The following ZBTB20 variants were observed in gnomAD, a reference collection of about 807,000 sequenced individuals.
ZBTB20 encodes the protein zinc finger and BTB domain-containing protein 20.
In ZBTB20, 9 loss-of-function variants were observed where a neutral mutation model predicts 56.9. The ratio of observed to expected loss-of-function variants is 0.16; its 90% CI spans 0.10 to 0.28. The LOEUF (loss-of-function observed/expected upper bound fraction) is 0.28, where lower values mean the gene tolerates loss of function less well. Ranked by LOEUF, ZBTB20 falls within the 10% of genes least tolerant of loss-of-function variation. The pLI is 1.00. For missense variants in ZBTB20, 655 were observed against 1,003.0 expected (o/e 0.65, Z 4.69); for synonymous variants, 417 against 420.7 (o/e 0.99, Z 0.11).
intron 3 of ZBTB20, among the ~76,000 whole-genome samples, chr3:114,953,564 T>G (rs2077146664): frequency 1.3e-5 from 2 of 151,984 alleles, no homozygotes; most frequent in African/African-American, 4.8e-5. Flanking sequence ...AATGGCTATA[T>G]TAATATTGGA....
At chr3:115,081,815 T>C (rs1460726673) in intron 1 of ZBTB20, among the ~76,000 whole-genome samples, 2 of 152,148 alleles carry the variant, frequency 1.3e-5, no homozygotes, top group Non-Finnish European at 2.9e-5. Flanking sequence ...ATAAAAATAT[T>C]GGTAGTGCTA....
At chr3:114,866,841 T>C (rs528923647) in intron 4 of ZBTB20, among the ~76,000 whole-genome samples, 1 of 152,276 alleles carries the variant, frequency 6.6e-6, no homozygotes, top group Non-Finnish European at 1.5e-5. Flanking sequence ...GACTAATACG[T>C]TGGACTAACG....
intron 6 of ZBTB20, among the ~76,000 whole-genome samples, chr3:114,683,788 G>C (rs528663066): frequency 1.3e-5 from 2 of 152,190 alleles, no homozygotes; most frequent in African/African-American, 4.8e-5. Flanking sequence ...AAGCATACTT[G>C]AGGTGGGAGT....
chr3:114,917,038 C>T (rs2075772069), intron 3 of ZBTB20, among the ~76,000 whole-genome samples: 2 of 152,078 alleles, frequency 1.3e-5, no homozygotes, highest in Admixed American at 1.3e-4. Context: ...TGTTGAGTAT[C>T]TTGTAGGCAT....
chr3:114,530,780 C>G (rs75976307), intron 6 of ZBTB20, among the ~76,000 whole-genome samples: 2,113 of 152,170 alleles, frequency 0.014, 55 homozygotes, highest in African/African-American at 0.048. Context: ...GTTTATTGGA[C>G]ATTTTCAGTT....
intron 5 of ZBTB20, among the ~76,000 whole-genome samples, chr3:114,761,923 C>T (rs2068474386): frequency 6.6e-6 from 1 of 151,870 alleles, no homozygotes; most frequent in South Asian, 2.1e-4. Context: ...AAATATATGG[C>T]ATTTGAAGTA....
At chr3:115,079,552 G>A (rs1356735251) in intron 1 of ZBTB20, among the ~76,000 whole-genome samples, 1 of 151,938 alleles carries the variant, frequency 6.6e-6, no homozygotes, top group Non-Finnish European at 1.5e-5. Flanking sequence ...CCACACCCAG[G>A]TAATTTTTGT....
chr3:114,886,337 T>C (rs1165899834), intron 4 of ZBTB20, among the ~76,000 whole-genome samples: 1 of 152,214 alleles, frequency 6.6e-6, no homozygotes, highest in Non-Finnish European at 1.5e-5. Context: ...TATTTGTACG[T>C]ATGGCCATAT....
chr3:114,986,217 T>C (rs1045395374), intron 2 of ZBTB20, among the ~76,000 whole-genome samples: 2 of 152,094 alleles, frequency 1.3e-5, no homozygotes, highest in African/African-American at 2.4e-5. Context: ...GTCACTCTTA[T>C]CACTGCCGCC....
chr3:114,607,522 C>T (rs1202304004), intron 6 of ZBTB20, among the ~76,000 whole-genome samples: 7 of 151,980 alleles, frequency 4.6e-5, no homozygotes, highest in African/African-American at 1.7e-4. Flanking sequence ...AGGCTGGTCT[C>T]GAACTCCCGA....
intron 1 of ZBTB20, among the ~76,000 whole-genome samples, chr3:115,146,376 C>CGGGGGG (rs144727550): frequency 7.4e-6 from 1 of 135,756 alleles, no homozygotes; most frequent in East Asian, 2.2e-4. Context: ...CAGCTGGGGG[C>CGGGGGG]GGGGGGTGGG....
At chr3:114,474,780 G>C (rs747681396) in intron 7 of ZBTB20, among the ~76,000 whole-genome samples, 1 of 152,034 alleles carries the variant, frequency 6.6e-6, no homozygotes, top group Non-Finnish European at 1.5e-5. Context: ...TAATTCTCCC[G>C]CCACATTTCA....
chr3:115,071,426 A>C lies in ZBTB20; in HGVS notation c.-702-12T>G, dbSNP rs2082404776. 2 of 152,194 alleles carry C rather than the reference A, an allele frequency of 1.3e-5. No homozygotes were observed. Among genetic ancestry groups the C allele is most frequent in the East Asian group, 1.9e-4 (1 of 5,190 alleles). 9.4% of individuals were successfully genotyped at this position (152,194 alleles called of 1,614,324 possible). A position where few individuals can be genotyped will look rare whatever the true frequency, so the allele number is the denominator to read the frequency against. The stretch of plus-strand genomic sequence containing the variant: ...AGTCCTGGCAGTGCCTTTGGTGAGG[A>C]GAGTAAAGAAGAAATAGAAAGATTA... On this transcript the variant is annotated splice_polypyrimidine_tract_variant and intron_variant, in intron 1 of 11. Coordinates refer to ENST00000675478, the MANE Select transcript of ZBTB20 (RefSeq NM_001348800.3).
chr3:114,507,382 A>C (rs2044763279), intron 6 of ZBTB20, among the ~76,000 whole-genome samples: 3 of 152,138 alleles, frequency 2.0e-5, no homozygotes, highest in Admixed American at 6.6e-5. Context: ...AGAGCTATAG[A>C]AACAAAAGCA....
At chr3:114,557,582 T>C (rs923449573) in intron 6 of ZBTB20, among the ~76,000 whole-genome samples, 1 of 151,966 alleles carries the variant, frequency 6.6e-6, no homozygotes, top group African/African-American at 2.4e-5. Context: ...ATTATGAAAT[T>C]CAACATCACT....
At chr3:115,143,196 T>C (rs2084867167) in intron 1 of ZBTB20, among the ~76,000 whole-genome samples, 1 of 152,224 alleles carries the variant, frequency 6.6e-6, no homozygotes, top group Non-Finnish European at 1.5e-5. Context: ...ATTAAAGTAT[T>C]GCTAAAATCT....
At chr3:114,576,260 G>A (rs1441267060) in intron 6 of ZBTB20, among the ~76,000 whole-genome samples, 1 of 151,906 alleles carries the variant, frequency 6.6e-6, no homozygotes, top group Non-Finnish European at 1.5e-5. Context: ...AGCACTTTGG[G>A]AGGCCAAGGC....
intron 1 of ZBTB20, among the ~76,000 whole-genome samples, chr3:115,091,262 T>C (rs2083181931): frequency 6.6e-6 from 1 of 152,006 alleles, no homozygotes; most frequent in Non-Finnish European, 1.5e-5. Context: ...TTTCAAAGGC[T>C]AGCAATTTCA....
intron 6 of ZBTB20, among the ~76,000 whole-genome samples, chr3:114,586,989 CTTTTTTTTTTT>C (rs1195918426): frequency 8.7e-4 from 67 of 77,020 alleles, no homozygotes; most frequent in Admixed American, 2.8e-3. Context: ...GTATAACTCC[CTTTTTTTTTTT>C]TTTTTTTTTT....
Sources: gnomAD v4.1 joint callset for allele counts (sites outside exome capture counted in the v4.1 genomes callset) on GRCh38, gnomAD v4.1.1 for gene constraint, MANE v1.5 for transcripts, NCBI Gene and HGNC (gene_info 2026-07-23, HGNC 2026-07-21) for gene names.